Variants in CNIH3 observed in about 807,000 individuals in gnomAD.
The protein encoded by CNIH3 is cornichon family AMPA receptor auxiliary protein 3.
CNIH3 carries 14 observed loss-of-function variants against 24.1 expected under a neutral mutation model. The observed-to-expected ratio is 0.58, with a 90% confidence interval of 0.38 to 0.91. The LOEUF (loss-of-function observed/expected upper bound fraction) is 0.91. Among genes scored for constraint, CNIH3 ranks in the 40% least tolerant of loss-of-function variants. The pLI is 0.00. For missense variants in CNIH3, 178 were observed against 196.8 expected, an observed-to-expected ratio of 0.90 and a Z score of 0.57; for synonymous variants, 68 against 73.8, an observed-to-expected ratio of 0.92 and a Z score of 0.40.
At chr1:224,701,322 C>T (rs1235562437) in intron 3 of CNIH3, among the ~76,000 whole-genome samples, 3 of 151,924 alleles carry the variant, frequency 2.0e-5, no homozygotes, top group African/African-American at 7.3e-5. Context: ...ACAAATGTAT[C>T]TCTCACAGCT....
intron 5 of CNIH3, among the ~76,000 whole-genome samples, chr1:224,736,926 C>T (rs1435392673): frequency 1.3e-5 from 2 of 152,190 alleles, no homozygotes; most frequent in African/African-American, 4.8e-5. Context: ...CTGCAGTGTG[C>T]TCAACCCTGC....
At chr1:224,626,271 G>A (rs1270854366) in intron 1 of CNIH3, among the ~76,000 whole-genome samples, 1 of 152,196 alleles carries the variant, frequency 6.6e-6, no homozygotes, top group Non-Finnish European at 1.5e-5. Flanking sequence ...CATCTTAACA[G>A]GGTTAGCTGA....
chr1:224,616,288 G>GA (rs1682972636), upstream of CNIH3: 1 of 202,404 alleles, frequency 4.9e-6, no homozygotes, highest in Non-Finnish European at 9.4e-6. Context: ...CGAGAGGAGG[G>GA]AATCCCGGGT....
At chr1:224,562,031 G>C (rs902953644) in intron 3 of CNIH3, among the ~76,000 whole-genome samples, 1 of 149,830 alleles carries the variant, frequency 6.7e-6, no homozygotes, top group Admixed American at 6.6e-5. Flanking sequence ...ATTGAGACTT[G>C]ATCACCATGT....
At chr1:224,474,104 C>T (rs923104221) in intron 1 of CNIH3, among the ~76,000 whole-genome samples, 1 of 152,128 alleles carries the variant, frequency 6.6e-6, no homozygotes, top group African/African-American at 2.4e-5. Flanking sequence ...GTGGCTCATG[C>T]CTGTAATCCC....
At chr1:224,670,367 C>T (rs1258449176) in intron 1 of CNIH3, among the ~76,000 whole-genome samples, 1 of 152,194 alleles carries the variant, frequency 6.6e-6, no homozygotes, top group Non-Finnish European at 1.5e-5. Context: ...ATTTTCCTGA[C>T]CAGCGGCTCT....
At chr1:224,448,973 T>G (rs1210517350) in intron 1 of CNIH3, among the ~76,000 whole-genome samples, 1 of 151,286 alleles carries the variant, frequency 6.6e-6, no homozygotes, top group Non-Finnish European at 1.5e-5. Context: ...TTTTTTTTTT[T>G]TTTTTTTTGA....
chr1:224,604,995 G>A lies in CNIH3; in HGVS notation n.402+38731G>A, dbSNP rs934180733. Among the ~76,000 whole-genome samples, 3 of 152,162 alleles carry A rather than the reference G, an allele frequency of 2.0e-5. No individual in the cohort carries two copies. The highest frequency in any genetic ancestry group is 7.2e-5 in the African/African-American group (3 of 41,428). ...TGTGGTTGGGTCCAGGGCCTTTTAT[G>A]GATTCAGAATGGGGAATGTGTGTGA... On this transcript the variant is annotated intron_variant and non_coding_transcript_variant, in intron 3 of 7. Transcript: ENST00000478120. The surrounding 1 kb of genome is among the most constrained non-coding windows in gnomAD (Gnocchi z 4.4).
intron 3 of CNIH3, among the ~76,000 whole-genome samples, chr1:224,689,027 G>A (rs1339306205): frequency 1.3e-5 from 2 of 151,806 alleles, no homozygotes; most frequent in South Asian, 2.1e-4. Flanking sequence ...TCTTCAGTCC[G>A]ATTTTCTTCC....
intron 1 of CNIH3, among the ~76,000 whole-genome samples, chr1:224,621,835 T>A (rs1683294929): frequency 6.6e-6 from 1 of 152,220 alleles, no homozygotes; most frequent in African/African-American, 2.4e-5. Context: ...AATCTCATCT[T>A]GAATTGTAGC....
chr1:224,553,581 TG>T (rs1463138167), intron 3 of CNIH3, among the ~76,000 whole-genome samples: 1 of 152,124 alleles, frequency 6.6e-6, no homozygotes, highest in Non-Finnish European at 1.5e-5. Context: ...AGGCTGTTAG[TG>T]CCCTCTGCTT....
intron 1 of CNIH3, among the ~76,000 whole-genome samples, chr1:224,663,795 T>C (rs1172287594): frequency 1.3e-5 from 2 of 152,132 alleles, no homozygotes; most frequent in Non-Finnish European, 2.9e-5. Flanking sequence ...AGAAATGCAG[T>C]AGGGCCCACA....
chr1:224,645,547 C>T (rs939791801), intron 1 of CNIH3, among the ~76,000 whole-genome samples: 1 of 152,264 alleles, frequency 6.6e-6, no homozygotes, highest in African/African-American at 2.4e-5. Context: ...GTGACACTCC[C>T]TCTGTGCTCC....
chr1:224,621,587 C>A (rs966933322), intron 1 of CNIH3, among the ~76,000 whole-genome samples: 1 of 152,132 alleles, frequency 6.6e-6, no homozygotes, highest in Non-Finnish European at 1.5e-5. Context: ...CCAGCCTGCT[C>A]CATCCCCCTT....
chr1:224,497,455 T>A (rs552453871), intron 1 of CNIH3, among the ~76,000 whole-genome samples: 5 of 152,364 alleles, frequency 3.3e-5, no homozygotes, highest in Non-Finnish European at 7.3e-5. Context: ...TATACTGTGA[T>A]GGAATATGAT....
chr1:224,616,719 G>C lies in CNIH3; in HGVS notation c.-456G>C, dbSNP rs527861625. On this transcript the variant is annotated 5_prime_UTR_variant, in exon 1 of 6. Transcript: ENST00000272133. ...CGTTTGCGCCCCGGTGGCGCGGGAG[G>C]GTCCGGAGCGGAGCGCTCGTCTCTC... 1.1e-3 allele frequency: 1,076 copies of C among 994,230 alleles called. 2 individuals carry two copies. In the Middle Eastern group the frequency reaches 0.011, roughly 11 times the overall value. The allele number at this position is 994,230 out of a possible 1,614,324, so 61.6% of individuals were successfully genotyped here. A position where few individuals can be genotyped will look rare whatever the true frequency, so the allele number is the denominator to read the frequency against.
At chr1:224,477,292 T>C (rs772760508) in intron 1 of CNIH3, among the ~76,000 whole-genome samples, 4 of 152,230 alleles carry the variant, frequency 2.6e-5, no homozygotes, top group Non-Finnish European at 5.9e-5. Flanking sequence ...TGCTGTTCTG[T>C]CCATCTGAGT....
chr1:224,524,382 T>A (rs766448819), intron 2 of CNIH3, among the ~76,000 whole-genome samples: 17 of 152,238 alleles, frequency 1.1e-4, no homozygotes, highest in Non-Finnish European at 2.2e-4. Context: ...TGGGAAATTC[T>A]GTTATATTCT....
intron 3 of CNIH3, among the ~76,000 whole-genome samples, chr1:224,727,073 C>G (rs952847928): frequency 1.3e-5 from 2 of 152,128 alleles, no homozygotes; most frequent in Admixed American, 6.6e-5. Flanking sequence ...ATTATGCCTG[C>G]CTGGTGGTTA....
Sources: gnomAD v4.1 joint callset for allele counts (sites outside exome capture counted in the v4.1 genomes callset) on GRCh38, gnomAD v4.1.1 for gene constraint, Gnocchi (gnomAD v3.1) non-coding constraint, MANE v1.5 for transcripts, NCBI Gene and HGNC (gene_info 2026-07-23, HGNC 2026-07-21) for gene names.